TRIM50: variants seen among roughly 807,000 people sequenced by gnomAD.
TRIM50 encodes the protein tripartite motif containing 50.
TRIM50 carries 34 observed loss-of-function variants against 44.9 expected under a neutral mutation model. The ratio of observed to expected loss-of-function variants is 0.76; its 90% confidence interval spans 0.58 to 1.01. The LOEUF (loss-of-function observed/expected upper bound fraction) is 1.01, where lower values mean the gene tolerates loss of function less well. Among genes scored for constraint, TRIM50 ranks in the 50% least tolerant of loss-of-function variants. The pLI, the probability that TRIM50 is intolerant of heterozygous loss-of-function variation, is 0.00. For synonymous variants in TRIM50, 307 were observed against 291.1 expected (o/e 1.05, Z -0.56); for missense variants, 633 against 663.7 (o/e 0.95, Z 0.51).
At chr7:73,322,626 GTC>G (rs753278076) in intron 2 of TRIM50, among the ~76,000 whole-genome samples, 1 of 152,196 alleles carries the variant, frequency 6.6e-6, no homozygotes, top group Non-Finnish European at 1.5e-5. Flanking sequence ...TTCAGTCTCT[GTC>G]TCTCTGATTT....
chr7:73,320,159 C>T lies in TRIM50; in HGVS notation c.483G>A (p.Arg161=), dbSNP rs782004225. 3 of 1,613,988 alleles carry T rather than the reference C, an allele frequency of 1.9e-6. No individual in the cohort carries two copies. In the South Asian group the frequency reaches 3.3e-5, roughly 18 times the overall value. The part of the protein sequence containing the change: ...DELIAKLVNN[R]TRIVNESDVF... The stretch of plus-strand genomic sequence containing the variant: ...AAGGGGCACTCACGACGATTCGGGT[C>T]CGGTTGTTCACCAGTTTGGCGATGA... Residue 161 remains arginine, a synonymous_variant, in exon 3 of 7, where the codon CGG becomes CGA. Coordinates refer to ENST00000333149, the MANE Select transcript of TRIM50 (RefSeq NM_178125.3).
chr7:73,324,149 T>TA (rs1456854429), intron 2 of TRIM50, among the ~76,000 whole-genome samples: 12 of 151,354 alleles, frequency 7.9e-5, no homozygotes, highest in African/African-American at 2.7e-4. Flanking sequence ...GAACTGCAAA[T>TA]AAAAAAACAG....
At chr7:73,324,892 C>G in intron 1 of TRIM50, 87 bp from the exon 2 acceptor site, 1 of 1,561,404 alleles carries the variant, frequency 6.4e-7, no homozygotes, top group Non-Finnish European at 8.7e-7. Flanking sequence ...TAAGGAGCAC[C>G]AGAATTTTAG....
At chr7:73,314,655 C>T in intron 6 of TRIM50, 1 of 225,188 alleles carries the variant, frequency 4.4e-6, no homozygotes, top group Non-Finnish European at 8.9e-6. Context: ...TTGCAAGCAG[C>T]CTGGCCAACA....
Position 73,324,536 on chromosome 7 carries a change from C to T in TRIM50, c.252G>A (p.Pro84=), listed in dbSNP as rs371073794. The part of the protein sequence containing the change: ...VIEALRLPGD[P]EPKVCVHHRN... ...GGTGGTGCACGCAGACCTTGGGCTC[C>T]GGGTCCCCAGGGAGCCTCAGGGCTT... Residue 84 remains proline, a synonymous_variant, in exon 2 of 7, where the codon CCG becomes CCA. Coordinates refer to ENST00000333149, the MANE Select transcript of TRIM50 (RefSeq NM_178125.3). The T allele has an allele frequency of 1.1e-4, 171 of 1,613,946 alleles. No homozygotes were observed. Among genetic ancestry groups the T allele is most frequent in the South Asian group, 3.1e-4 (28 of 91,078 alleles).
At chr7:73,321,524 C>T (rs1349481154) in intron 2 of TRIM50, among the ~76,000 whole-genome samples, 4 of 152,164 alleles carry the variant, frequency 2.6e-5, no homozygotes, top group East Asian at 1.9e-4. Context: ...GGCTTGGACA[C>T]AGCACGGATT....
Position 73,326,788 on chromosome 7 carries a change from A to G in TRIM50, c.-19+1112T>C, listed in dbSNP as rs557296730. Among the ~76,000 whole-genome samples, 8 of 152,016 alleles carry G rather than the reference A, an allele frequency of 5.3e-5. No individual in the cohort carries two copies. The South Asian group carries it at 1.7e-3, about 32-fold the overall frequency. On this transcript the variant is annotated intron_variant, in intron 1 of 6. Transcript: ENST00000333149. ...TAGAAATTCAATGACACTCTGTTATACAGGTTTTGTTTGTTTTCTGAGACA... is the reference window on the plus strand; with the variant it reads ...TAGAAATTCAATGACACTCTGTTATGCAGGTTTTGTTTGTTTTCTGAGACA...
rs1319577545 is a variant in TRIM50 at position 73,313,020 on chromosome 7, G to A, written c.1365C>T (p.Asp455=). ...TGCTGCCCCTCTCGTGCCAGCAGGT[G>A]TCCAGGATGGGGTAGAGCTTGCCCT... is the stretch of plus-strand genomic sequence containing the variant. ...DFQGKLYPIL[D]TCWHERGSNS... Residue 455 remains aspartate, a synonymous_variant, in exon 7 of 7, where the codon GAC becomes GAT. Coordinates refer to ENST00000333149, the MANE Select transcript of TRIM50 (RefSeq NM_178125.3). The surrounding 1 kb of genome is among the most constrained non-coding windows in gnomAD (Gnocchi z 4.9). 1 of 1,561,502 alleles carries A rather than the reference G, an allele frequency of 6.4e-7. No individual in the cohort carries two copies. Among genetic ancestry groups the A allele is most frequent in the Non-Finnish European group, 8.7e-7 (1 of 1,152,588 alleles).
At chr7:73,327,538 C>A (rs2695366) in intron 1 of TRIM50, among the ~76,000 whole-genome samples, 5 of 152,300 alleles carry the variant, frequency 3.3e-5, no homozygotes, top group Non-Finnish European at 4.4e-5. Flanking sequence ...TTCTCTAGAA[C>A]ACAATGGAAG....
At chr7:73,318,742 G>A (rs782264211) in intron 4 of TRIM50, 33 bp from the exon 5 acceptor site, 1 of 1,614,018 alleles carries the variant, frequency 6.2e-7, no homozygotes, top group Non-Finnish European at 8.5e-7. Context: ...GTTAAGGCTA[G>A]AAGGTGGGAA....
At chr7:73,318,663 C>T in intron 5 of TRIM50, 24 bp downstream of exon 5, 2 of 1,613,016 alleles carry the variant, frequency 1.2e-6, no homozygotes, top group South Asian at 1.1e-5. Flanking sequence ...CAGACCCTGG[C>T]TGAGCTCTCT....
chr7:73,316,053 G>A (rs1221795615), intron 6 of TRIM50, among the ~76,000 whole-genome samples: 1 of 151,846 alleles, frequency 6.6e-6, no homozygotes, highest in Non-Finnish European at 1.5e-5. Context: ...GCTAATTCTT[G>A]TATTATTAGT....
chr7:73,325,393 TC>T, intron 1 of TRIM50: 1 of 154,090 alleles, frequency 6.5e-6, no homozygotes, highest in East Asian at 1.9e-4. Context: ...TCCCACCTGC[TC>T]CCCTATGAAA....
intron 2 of TRIM50, among the ~76,000 whole-genome samples, chr7:73,321,438 C>T (rs1804493188): frequency 6.6e-6 from 1 of 152,158 alleles, no homozygotes; most frequent in Non-Finnish European, 1.5e-5. Flanking sequence ...AATTCTAGGG[C>T]CAGTGGTGCT....
rs782239718 is a variant in TRIM50 at position 73,316,663 on chromosome 7, A to T, written c.776T>A (p.Leu259Ter). The change falls in exon 6 of 7, where the codon TTA (leucine) becomes TAA (stop). Residue 259 changes from leucine (L) to a stop codon, truncating the protein, a stop_gained. Coordinates refer to ENST00000333149, the MANE Select transcript of TRIM50 (RefSeq NM_178125.3). LOFTEE classifies it high-confidence loss of function. ...GGAGATGGGGCTGAATGCGCCTTCTAAGGGCCGGGCCTGCGGCATCTCTGC... is the reference window on the plus strand; with the variant it reads ...GGAGATGGGGCTGAATGCGCCTTCTTAGGGCCGGGCCTGCGGCATCTCTGC... ...SRAEMPQARP[L>*]EGAFSPISFK... The T allele has an allele frequency of 1.9e-6, 3 of 1,614,158 alleles. No individual in the cohort carries two copies. The highest frequency in any genetic ancestry group is 3.3e-5 in the Admixed American group (2 of 60,024).
chr7:73,320,854 GTC>G (rs1204006312), intron 2 of TRIM50, among the ~76,000 whole-genome samples: 1 of 148,280 alleles, frequency 6.7e-6, no homozygotes, highest in Non-Finnish European at 1.5e-5. Flanking sequence ...GAGAAACCCT[GTC>G]TCTACTAAAA....
Position 73,313,013 on chromosome 7 carries a change from A to T in TRIM50, c.1372T>A (p.Trp458Arg), listed in dbSNP as rs1554543223. 4 of 1,558,132 alleles carry T rather than the reference A, an allele frequency of 2.6e-6. No homozygotes were observed. The highest frequency in any genetic ancestry group is 3.5e-6 in the Non-Finnish European group (4 of 1,150,648). ...AGCGAGTTGCTGCCCCTCTCGTGCCAGCAGGTGTCCAGGATGGGGTAGAGC... is the reference window on the plus strand; with the variant it reads ...AGCGAGTTGCTGCCCCTCTCGTGCCTGCAGGTGTCCAGGATGGGGTAGAGC... ...GKLYPILDTC[W>R]HERGSNSLPM... The change falls in exon 7 of 7, where the codon TGG (tryptophan) becomes AGG (arginine). Residue 458 changes from tryptophan (W) to arginine (R), a missense_variant. Coordinates refer to ENST00000333149, the MANE Select transcript of TRIM50 (RefSeq NM_178125.3). This position sits in a 1 kb window ranked among gnomAD's most constrained non-coding sequence, Gnocchi z 4.9.
chr7:73,321,117 A>C (rs1242901100), intron 2 of TRIM50, among the ~76,000 whole-genome samples: 3 of 152,056 alleles, frequency 2.0e-5, no homozygotes, highest in African/African-American at 7.2e-5. Flanking sequence ...GAATCACTTG[A>C]GGATAGGAGT....
chr7:73,324,631 AG>A lies in TRIM50; in HGVS notation c.156del (p.Cys53AlafsTer22), dbSNP rs1554545659. On this transcript the variant is annotated frameshift_variant, in exon 2 of 7. Transcript: ENST00000333149. LOFTEE classifies it high-confidence loss of function. ...TCCACCGCCTGCCGGCACACGGGGC[AG>A]CGCAGCTCGGCATCCAGGTGGCAGG... is the stretch of plus-strand genomic sequence containing the variant. ...SLSCHLDAEL[R>X]CPVCRQAVDG... The A allele has an allele frequency of 1.9e-6, 3 of 1,614,198 alleles. No individual in the cohort carries two copies. Among genetic ancestry groups the A allele is most frequent in the Non-Finnish European group, 2.5e-6 (3 of 1,180,026 alleles).
Sources: gnomAD v4.1 joint callset for allele counts (sites outside exome capture counted in the v4.1 genomes callset) on GRCh38, gnomAD v4.1.1 for gene constraint, Gnocchi (gnomAD v3.1) non-coding constraint, MANE v1.5 for transcripts, NCBI Gene and HGNC (gene_info 2026-07-23, HGNC 2026-07-21) for gene names.